The following CCT2 variants were observed in gnomAD, a reference collection of about 807,000 sequenced individuals.
The protein encoded by CCT2 is T-complex protein 1 subunit beta.
In CCT2, 18 loss-of-function variants were observed where a neutral mutation model predicts 61.8. The ratio of observed to expected loss-of-function variants is 0.29; its 90% CI spans 0.20 to 0.43. The LOEUF (loss-of-function observed/expected upper bound fraction) is 0.43. Ranked by LOEUF, CCT2 falls within the 20% of genes least tolerant of loss-of-function variation. The pLI is 1.00. For missense variants in CCT2, 556 were observed against 656.9 expected (o/e 0.85, Z 1.68); for synonymous variants, 248 against 215.9 (o/e 1.15, Z -1.30).
chr12:69,589,520 A>C lies in CCT2; in HGVS notation c.482A>C (p.Asn161Thr). The C allele has an allele frequency of 6.2e-7, 1 of 1,614,134 alleles. No homozygotes were observed. Among genetic ancestry groups the C allele is most frequent in the Non-Finnish European group, 8.5e-7 (1 of 1,179,990 alleles). Residue 161 changes from asparagine (N) to threonine (T), a missense_variant, in exon 7 of 16, where the codon AAT becomes ACT. By Grantham distance (65) the Asn-to-Thr change is moderately conservative. Coordinates refer to ENST00000299300, the MANE Select transcript of CCT2 (RefSeq NM_006431.3). ...GTTAAATTCCGTCAAGATTTAATGA[A>C]TATTGCGGGCACAACATTATCCTCA... The part of the protein sequence containing the change: ...DEVKFRQDLM[N>T]IAGTTLSSKL...
rs997120375 is a variant in CCT2, at chr12:69,596,419, A to C, written c.983-737A>C. 5.3e-5 allele frequency among the ~76,000 whole-genome samples: 8 copies of C among 152,222 alleles called. No homozygotes were observed. In the South Asian group the frequency reaches 1.7e-3, roughly 32 times the overall value. ...GCTAGAGAAAAGGATTTTGAAATGG[A>C]AACCTGACTTTTGCTTAGTTAGGAA... On this transcript the variant is annotated intron_variant, in intron 10 of 15. Coordinates refer to ENST00000299300, the MANE Select transcript of CCT2 (RefSeq NM_006431.3).
chr12:69,599,976 G>A lies in CCT2; in HGVS notation c.1549G>A (p.Val517Met), dbSNP rs1208095643. The A allele has an allele frequency of 6.2e-7, 1 of 1,613,100 alleles. No homozygotes were observed. The highest frequency in any genetic ancestry group is 8.5e-7 in the Non-Finnish European group (1 of 1,179,520). ...AAEAAEVILR[V>M]DNIIKAAPRK... ...TGAAGCAGCAGAGGTGATTCTGCGT[G>A]TGGACAACATCATCAAAGCGGCACC... The change falls in exon 15 of 16, where the codon GTG becomes ATG. Residue 517 changes from valine (V) to methionine (M), a missense_variant. Coordinates refer to ENST00000299300, the MANE Select transcript of CCT2 (RefSeq NM_006431.3).
At chr12:69,597,518 G>A in intron 11 of CCT2, 120 bp from the exon 12 acceptor site, 2 of 1,132,944 alleles carry the variant, frequency 1.8e-6, no homozygotes, top group Non-Finnish European at 1.3e-6. Flanking sequence ...GATTGTTGGA[G>A]AATGTATAAT....
intron 11 of CCT2, among the ~76,000 whole-genome samples, 153 bp from the exon 12 acceptor site, chr12:69,597,485 A>T (rs1257735593): frequency 1.3e-5 from 2 of 152,158 alleles, no homozygotes; most frequent in Admixed American, 1.3e-4. Flanking sequence ...TTTCCTTGAT[A>T]ACTTAGAACC....
rs1269717275 is a variant in CCT2 at position 69,588,042 on chromosome 12, G to A, written c.333+36G>A. 2.5e-6 allele frequency: 4 copies of A among 1,579,568 alleles called. 1 individual carries two copies. Among genetic ancestry groups the A allele is most frequent in the Middle Eastern group, 3.3e-4 (2 of 5,996 alleles). On this transcript the variant is annotated intron_variant, in intron 5 of 15. Coordinates refer to ENST00000299300, the MANE Select transcript of CCT2 (RefSeq NM_006431.3). ...CTAAGCAACTCTTTTTTCCTACTGT[G>A]TTTTTGAGTATCAGAGGTAATCTAG...
intron 6 of CCT2, chr12:69,589,282 CTT>C (rs3841585): frequency 0.56 from 302,849 of 540,352 alleles, 84,859 homozygotes; most frequent in African/African-American, 0.75. Flanking sequence ...CCCCACCCCT[CTT>C]TTTTTTTTGG....
At position 69,585,490 on chromosome 12, in the gene CCT2, G is replaced by T. The variant is rs763985725; in HGVS notation, c.-32G>T. The T allele has an allele frequency of 1.9e-6, 3 of 1,560,772 alleles. No individual in the cohort carries two copies. The highest frequency in any genetic ancestry group is 2.4e-5 in the South Asian group (2 of 84,762). ...CTGGTCCCGAGCACGAGCTGTGAGG[G>T]GATTCACTTGTGTGCGGAACTCCTC... On this transcript the variant is annotated 5_prime_UTR_variant, in exon 1 of 16. Coordinates refer to ENST00000299300, the MANE Select transcript of CCT2 (RefSeq NM_006431.3).
chr12:69,587,766 A>G lies in CCT2; in HGVS notation c.256+150A>G. ...TCGTTGTTAAAATACAAGCTTCAGG[A>G]GTGCCCGTATGTTGGTGGTAAAACT... On this transcript the variant is annotated intron_variant, in intron 4 of 15. Coordinates refer to ENST00000299300, the MANE Select transcript of CCT2 (RefSeq NM_006431.3). The G allele has an allele frequency of 5.4e-6, 4 of 735,324 alleles. No individual in the cohort carries two copies. In the East Asian group the frequency reaches 1.1e-4, roughly 20 times the overall value. The allele number at this position is 735,324 out of a possible 1,614,324, so 45.5% of individuals were successfully genotyped here. A position where few individuals can be genotyped will look rare whatever the true frequency, so the allele number is the denominator to read the frequency against.
intron 14 of CCT2, among the ~76,000 whole-genome samples, chr12:69,598,775 G>A (rs1250118603): frequency 1.3e-5 from 2 of 152,190 alleles, no homozygotes; most frequent in African/African-American, 4.8e-5. Flanking sequence ...TAAACTTACT[G>A]CAAGATAATC....
chr12:69,586,537 G>A (rs990320708), intron 2 of CCT2, among the ~76,000 whole-genome samples, 193 bp downstream of exon 2: 1 of 152,036 alleles, frequency 6.6e-6, no homozygotes, highest in African/African-American at 2.4e-5. Flanking sequence ...GCGTGGTGAT[G>A]GGCACCTGTA....
intron 4 of CCT2, 73 bp from the exon 5 acceptor site, chr12:69,587,857 G>T: frequency 8.5e-7 from 1 of 1,174,200 alleles, no homozygotes; most frequent in Non-Finnish European, 1.3e-6. Context: ...AGTTTAGATT[G>T]GTAGTGAATA....
chr12:69,594,554 C>A (rs1029073730), intron 10 of CCT2, among the ~76,000 whole-genome samples: 7 of 152,164 alleles, frequency 4.6e-5, no homozygotes, highest in Admixed American at 3.9e-4. Flanking sequence ...TGTCTGTCTA[C>A]ATCACAATGA....
chr12:69,588,612 A>G (rs757019167), intron 6 of CCT2, among the ~76,000 whole-genome samples: 2 of 152,228 alleles, frequency 1.3e-5, no homozygotes, highest in Non-Finnish European at 2.9e-5. Flanking sequence ...ATTTGGCTAG[A>G]ATGACTGTAT....
At chr12:69,587,407 AGT>A (rs1881698534) in intron 3 of CCT2, 96 bp from the exon 4 acceptor site, 1 of 668,904 alleles carries the variant, frequency 1.5e-6, no homozygotes. Context: ...AGCTATCCAG[AGT>A]GTTTATACAC....
chr12:69,599,058 G>T (rs1484336357), intron 14 of CCT2, among the ~76,000 whole-genome samples: 1 of 152,072 alleles, frequency 6.6e-6, no homozygotes, highest in Non-Finnish European at 1.5e-5. Context: ...ATTAATATGG[G>T]TGATCAGTAG....
intron 10 of CCT2, among the ~76,000 whole-genome samples, chr12:69,595,681 T>G: frequency 9.4e-6 from 1 of 106,574 alleles, no homozygotes; most frequent in Non-Finnish European, 1.7e-5. Flanking sequence ...AGAGCGAGAC[T>G]CCGTCTCAAA....
At position 69,585,543 on chromosome 12, in the gene CCT2, C is replaced by G. The variant is rs1387805503; in HGVS notation, c.3+19C>G. On this transcript the variant is annotated intron_variant, in intron 1 of 15. Coordinates refer to ENST00000299300, the MANE Select transcript of CCT2 (RefSeq NM_006431.3). ...AACCATGGTGAGCCTGACTCCCCTG[C>G]CTCTTGCCCTACCCCTGCTCCGCCG... 6.4e-7 allele frequency: 1 copy of G among 1,571,044 alleles called. No homozygotes were observed. Among genetic ancestry groups the G allele is most frequent in the Non-Finnish European group, 8.6e-7 (1 of 1,157,104 alleles).
At position 69,588,033 on chromosome 12, in the gene CCT2, T is replaced by G; in HGVS notation, c.333+27T>G. On this transcript the variant is annotated intron_variant, in intron 5 of 15. Coordinates refer to ENST00000299300, the MANE Select transcript of CCT2 (RefSeq NM_006431.3). ...TAAGAGCAACTAAGCAACTCTTTTT[T>G]CCTACTGTGTTTTTGAGTATCAGAG... 3 of 1,596,232 alleles carry G rather than the reference T, an allele frequency of 1.9e-6. 1 individual carries two copies. Among genetic ancestry groups the G allele is most frequent in the Non-Finnish European group, 2.6e-6 (3 of 1,163,842 alleles).
Position 69,600,010 on chromosome 12 carries a change from C to T in CCT2, c.1577+6C>T, listed in dbSNP as rs1326480445. The T allele has an allele frequency of 6.3e-7, 1 of 1,594,424 alleles. No homozygotes were observed. The highest frequency in any genetic ancestry group is 1.4e-5 in the African/African-American group (1 of 73,858). On this transcript the variant is annotated splice_donor_region_variant and intron_variant, in intron 15 of 15. Coordinates refer to ENST00000299300, the MANE Select transcript of CCT2 (RefSeq NM_006431.3). ...ATCATCAAAGCGGCACCCAGGTACC[C>T]TAACACTTTTCTCAGAAAAAATTAC...
Sources: gnomAD v4.1 joint callset for allele counts (sites outside exome capture counted in the v4.1 genomes callset) on GRCh38, gnomAD v4.1.1 for gene constraint, MANE v1.5 for transcripts, NCBI Gene and HGNC (gene_info 2026-07-23, HGNC 2026-07-21) for gene names.